Variants in THSD7B observed in about 807,000 individuals in gnomAD.
THSD7B encodes thrombospondin type 1 domain containing 7B.
A neutral mutation model predicts 213.6 loss-of-function variants in THSD7B; 138 were observed. The ratio of observed to expected loss-of-function variants is 0.65; its 90% CI spans 0.56 to 0.74. The LOEUF (loss-of-function observed/expected upper bound fraction) is 0.74, where lower values mean the gene tolerates loss of function less well. Among genes scored for constraint, THSD7B ranks in the 30% least tolerant of loss-of-function variants. The pLI, the probability that THSD7B is intolerant of heterozygous loss-of-function variation, is 0.00. For missense variants in THSD7B, 1,931 were observed against 1,991.5 expected, an observed-to-expected ratio of 0.97 and a Z score of 0.58; for synonymous variants, 742 against 687.0, an observed-to-expected ratio of 1.08 and a Z score of -1.25.
At chr2:137,104,797 A>C (rs756088423) in intron 4 of THSD7B, among the ~76,000 whole-genome samples, 5 of 152,214 alleles carry the variant, frequency 3.3e-5, no homozygotes, top group Admixed American at 2.0e-4. Flanking sequence ...CAAATAAACT[A>C]AAAAATCTAC....
Position 136,840,261 on chromosome 2 carries a change from C to T in THSD7B, c.-35-41883C>T, listed in dbSNP as rs113873607. Among the ~76,000 whole-genome samples, 1,351 of 152,158 alleles carry T rather than the reference C, an allele frequency of 8.9e-3. 30 individuals are homozygous for T. The highest frequency in any genetic ancestry group is 0.031 in the African/African-American group (1,297 of 41,508). On this transcript the variant is annotated intron_variant, in intron 1 of 27. Coordinates refer to ENST00000409968, the MANE Select transcript of THSD7B (RefSeq NM_001316349.2). Reference sequence around the variant, plus strand: ...AGGAGTGGTGGTGCATGCCTGTAGTCCCAGCTACTCAGGAGGCTGAGGCAG... The same window carrying T: ...AGGAGTGGTGGTGCATGCCTGTAGTTCCAGCTACTCAGGAGGCTGAGGCAG...
At chr2:137,031,346 G>A (rs1686663002) in intron 2 of THSD7B, among the ~76,000 whole-genome samples, 1 of 152,074 alleles carries the variant, frequency 6.6e-6, no homozygotes, top group African/African-American at 2.4e-5. Flanking sequence ...CTCTGTCTCT[G>A]AATGGATGAA....
At chr2:136,900,820 A>G (rs1684051227) in intron 2 of THSD7B, among the ~76,000 whole-genome samples, 1 of 152,196 alleles carries the variant, frequency 6.6e-6, no homozygotes, top group Admixed American at 6.5e-5. Context: ...TGAAAGAAAG[A>G]TAAGGGTGCA....
chr2:137,508,415 C>T (rs1350584760), intron 15 of THSD7B, among the ~76,000 whole-genome samples: 4 of 130,844 alleles, frequency 3.1e-5, no homozygotes, highest in South Asian at 2.4e-4. Flanking sequence ...CTCGCTGTGT[C>T]GCCCAGGCTG....
chr2:137,600,808 A>G (rs1206962216), intron 17 of THSD7B, among the ~76,000 whole-genome samples: 1 of 152,166 alleles, frequency 6.6e-6, no homozygotes, highest in African/African-American at 2.4e-5. Flanking sequence ...AGGTATTTCA[A>G]TGGATGCCAT....
At chr2:136,998,957 CA>C (rs1685952239) in intron 2 of THSD7B, among the ~76,000 whole-genome samples, 3 of 148,770 alleles carry the variant, frequency 2.0e-5, no homozygotes, top group Non-Finnish European at 3.0e-5. Flanking sequence ...CACACACACA[CA>C]CCCCTGCTTT....
intron 2 of THSD7B, among the ~76,000 whole-genome samples, chr2:136,935,765 G>C (rs573135984): frequency 6.6e-6 from 1 of 152,038 alleles, no homozygotes; most frequent in South Asian, 2.1e-4. Context: ...CCTGGAGAAA[G>C]AGAAGAAAAG....
At chr2:137,064,044 A>G (rs901498977) in intron 3 of THSD7B, among the ~76,000 whole-genome samples, 5 of 152,004 alleles carry the variant, frequency 3.3e-5, no homozygotes, top group Non-Finnish European at 5.9e-5. Context: ...GGATTGCTAG[A>G]TAGTACGGTA....
intron 12 of THSD7B, among the ~76,000 whole-genome samples, chr2:137,404,636 AGT>A (rs1686467444): frequency 6.6e-6 from 1 of 150,930 alleles, no homozygotes; most frequent in East Asian, 1.9e-4. Flanking sequence ...GATCGTATAT[AGT>A]GTATATATAA....
chr2:137,508,409 C>G (rs1330203077), intron 15 of THSD7B, among the ~76,000 whole-genome samples: 3 of 141,546 alleles, frequency 2.1e-5, no homozygotes, highest in African/African-American at 8.3e-5. Flanking sequence ...GACAGTCTCG[C>G]TGTGTCGCCC....
chr2:137,121,163 T>C (rs1171731777), intron 5 of THSD7B, among the ~76,000 whole-genome samples: 1 of 152,200 alleles, frequency 6.6e-6, no homozygotes. Context: ...GTTCCTACTT[T>C]AAGTGTTCAT....
chr2:136,832,987 C>G (rs1682780319), intron 1 of THSD7B, among the ~76,000 whole-genome samples: 1 of 152,166 alleles, frequency 6.6e-6, no homozygotes, highest in Non-Finnish European at 1.5e-5. Flanking sequence ...GAAACCATCA[C>G]TCTTCTACTG....
intron 12 of THSD7B, among the ~76,000 whole-genome samples, chr2:137,293,600 T>C (rs1000024316): frequency 2.0e-5 from 3 of 152,124 alleles, no homozygotes; most frequent in Non-Finnish European, 4.4e-5. Context: ...CTTTAACTGA[T>C]GTACCTCAAT....
chr2:137,075,219 A>G (rs1028025897), intron 3 of THSD7B, among the ~76,000 whole-genome samples: 2 of 152,222 alleles, frequency 1.3e-5, no homozygotes, highest in Non-Finnish European at 2.9e-5. Flanking sequence ...ACTTTCAGGT[A>G]CACCAGTCAA....
chr2:137,116,808 G>T (rs1442581123), intron 5 of THSD7B, among the ~76,000 whole-genome samples: 2 of 152,146 alleles, frequency 1.3e-5, no homozygotes, highest in Non-Finnish European at 2.9e-5. Context: ...GGGGGTACGG[G>T]TGGAATAGAG....
At chr2:137,064,695 TA>T (rs1687343582) in intron 3 of THSD7B, among the ~76,000 whole-genome samples, 1 of 151,996 alleles carries the variant, frequency 6.6e-6, no homozygotes, top group African/African-American at 2.4e-5. Flanking sequence ...TGGTGAGACA[TA>T]GGGGTCTAGT....
chr2:137,554,460 C>T (rs1299245748), intron 15 of THSD7B, among the ~76,000 whole-genome samples: 1 of 152,170 alleles, frequency 6.6e-6, no homozygotes, highest in Non-Finnish European at 1.5e-5. Flanking sequence ...AACTGTGTCT[C>T]TCTGAGCATA....
At chr2:137,547,218 G>C (rs1680758318) in intron 15 of THSD7B, among the ~76,000 whole-genome samples, 1 of 151,998 alleles carries the variant, frequency 6.6e-6, no homozygotes, top group African/African-American at 2.4e-5. Context: ...GTCAGGCTGT[G>C]CCATCCTTGG....
intron 15 of THSD7B, among the ~76,000 whole-genome samples, chr2:137,479,081 G>A (rs1354716931): frequency 1.3e-5 from 2 of 152,172 alleles, no homozygotes; most frequent in African/African-American, 4.8e-5. Flanking sequence ...GGGCCTGGTA[G>A]GTGGACAGGT....
Sources: gnomAD v4.1 joint callset for allele counts (sites outside exome capture counted in the v4.1 genomes callset) on GRCh38, gnomAD v4.1.1 for gene constraint, MANE v1.5 for transcripts, NCBI Gene and HGNC (gene_info 2026-07-23, HGNC 2026-07-21) for gene names.